Variants in AIG1 observed in about 807,000 individuals in gnomAD.
The protein encoded by AIG1 is androgen induced 1.
In AIG1, 23 loss-of-function variants were observed where a neutral mutation model predicts 31.4. The ratio of observed to expected loss-of-function variants is 0.73; its 90% CI spans 0.53 to 1.04. AIG1 has a LOEUF of 1.04. AIG1 is among the 50% of genes least tolerant of loss of function. AIG1 has a pLI of 0.00. For missense variants in AIG1, 274 were observed against 295.0 expected, an observed-to-expected ratio of 0.93 and a Z score of 0.52; for synonymous variants, 100 against 110.5, an observed-to-expected ratio of 0.90 and a Z score of 0.60.
At chr6:143,221,123 A>G (rs375286692) in intron 3 of AIG1, among the ~76,000 whole-genome samples, 47 of 152,176 alleles carry the variant, frequency 3.1e-4, no homozygotes, top group Non-Finnish European at 1.5e-4. Context: ...TTGTAGTTTC[A>G]TCTTAATTAA....
At chr6:143,212,842 T>C (rs1380622196) in intron 3 of AIG1, among the ~76,000 whole-genome samples, 2 of 152,124 alleles carry the variant, frequency 1.3e-5, no homozygotes, top group Admixed American at 1.3e-4. Context: ...CAGAGTGAAT[T>C]TGAAAGGCAT....
chr6:143,086,472 G>T (rs978943273), intron 1 of AIG1, among the ~76,000 whole-genome samples: 2 of 151,938 alleles, frequency 1.3e-5, no homozygotes, highest in Non-Finnish European at 2.9e-5. Context: ...TGTAGACCCA[G>T]TTCCAGTTGT....
chr6:143,135,996 A>G (rs909328314), intron 1 of AIG1, among the ~76,000 whole-genome samples: 1 of 152,168 alleles, frequency 6.6e-6, no homozygotes, highest in Non-Finnish European at 1.5e-5. Context: ...ATCTAGCTGC[A>G]TTACAGTATG....
intron 3 of AIG1, among the ~76,000 whole-genome samples, chr6:143,236,495 C>G (rs917852268): frequency 2.0e-5 from 3 of 152,252 alleles, no homozygotes; most frequent in African/African-American, 7.2e-5. Context: ...CTGAGTCAAG[C>G]TACTGTGGAT....
intron 3 of AIG1, among the ~76,000 whole-genome samples, chr6:143,244,671 A>G (rs1794483745): frequency 6.6e-6 from 1 of 152,242 alleles, no homozygotes; most frequent in South Asian, 2.1e-4. Context: ...GTGAGCATCA[A>G]GGTATAGTCT....
chr6:143,079,103 A>G (rs1777984195), intron 1 of AIG1, among the ~76,000 whole-genome samples: 1 of 151,482 alleles, frequency 6.6e-6, no homozygotes, highest in Non-Finnish European at 1.5e-5. Flanking sequence ...AGAGAGAGGA[A>G]AAACAAAACA....
Position 143,284,154 on chromosome 6 carries a change from G to T in AIG1, c.444G>T (p.Ser148=). 1.2e-6 allele frequency: 2 copies of T among 1,613,952 alleles called. No homozygotes were observed. Among genetic ancestry groups the T allele is most frequent in the South Asian group, 1.1e-5 (1 of 91,062 alleles). ...TTATATTAATCGAGATGAGGACATC[G>T]CACCATCAGTATCCCAGCAGGAGCA... ...LPFILIEMRT[S]HHQYPSRSSG... Residue 148 remains serine (S), a synonymous_variant, in exon 4 of 6, where the codon TCG becomes TCT. Coordinates refer to ENST00000357847, the MANE Select transcript of AIG1 (RefSeq NM_016108.4). The surrounding 1 kb of genome is among the most constrained non-coding windows in gnomAD (Gnocchi z 4.4).
chr6:143,274,865 A>G (rs1457017361), intron 3 of AIG1, among the ~76,000 whole-genome samples: 3 of 152,212 alleles, frequency 2.0e-5, no homozygotes, highest in African/African-American at 7.2e-5. Flanking sequence ...TAACTACTAC[A>G]TTAGGATTGC....
chr6:143,061,048 C>G lies in AIG1; in HGVS notation c.123C>G (p.Phe41Leu). The G allele has an allele frequency of 6.2e-7, 1 of 1,613,276 alleles. No homozygotes were observed. The highest frequency in any genetic ancestry group is 1.1e-5 in the South Asian group (1 of 91,066). ...AGACCTACGGAGGGAGCTGGAAATT[C>G]CTGACGTTCATTGATCTGGTAAGGC... The part of the protein sequence containing the change: ...SHQTYGGSWK[F>L]LTFIDLVIQA... The change falls in exon 1 of 6, where the codon TTC becomes TTG. Residue 41 changes from phenylalanine to leucine, a missense_variant. Physicochemically the swap from Phe to Leu is conservative, Grantham distance 22. Transcript: ENST00000357847.
At chr6:143,099,166 G>A (rs1444363018) in intron 1 of AIG1, among the ~76,000 whole-genome samples, 1 of 152,088 alleles carries the variant, frequency 6.6e-6, no homozygotes, top group Non-Finnish European at 1.5e-5. Context: ...CACCAAAAAT[G>A]GCCACATTTC....
Position 143,293,872 on chromosome 6 carries a change from G to T in AIG1, c.515+9647G>T, listed in dbSNP as rs1310388620. On this transcript the variant is annotated intron_variant, in intron 4 of 5. Transcript: ENST00000357847. The surrounding 1 kb of genome is among the most constrained non-coding windows in gnomAD (Gnocchi z 4.8). ...GTGTGATGCTGCTTGTGCTCTTGAT[G>T]CTACTTGGCAATTTTCCTGTGGATT... is the stretch of plus-strand genomic sequence containing the variant. Among the ~76,000 whole-genome samples the T allele has an allele frequency of 6.6e-6, 1 of 151,986 alleles. No homozygotes were observed. Among genetic ancestry groups the T allele is most frequent in the East Asian group, 1.9e-4 (1 of 5,170 alleles).
chr6:143,239,886 T>C (rs1300153113), intron 3 of AIG1, among the ~76,000 whole-genome samples: 1 of 152,222 alleles, frequency 6.6e-6, no homozygotes, highest in African/African-American at 2.4e-5. Context: ...TTTACCTGAC[T>C]GGAACTTGTG....
intron 4 of AIG1, among the ~76,000 whole-genome samples, chr6:143,323,398 A>G (rs1776372709): frequency 6.6e-6 from 1 of 152,104 alleles, no homozygotes; most frequent in Admixed American, 6.5e-5. Flanking sequence ...GGCTAGCTCC[A>G]CTGAAAAAAA....
chr6:143,092,138 T>G (rs2128476754), intron 1 of AIG1, among the ~76,000 whole-genome samples: 1 of 152,210 alleles, frequency 6.6e-6, no homozygotes, highest in African/African-American at 2.4e-5. Context: ...AGGATATATC[T>G]CTCTCACCCA....
chr6:143,147,429 C>G (rs1031647689), intron 2 of AIG1, among the ~76,000 whole-genome samples: 2 of 152,088 alleles, frequency 1.3e-5, no homozygotes, highest in African/African-American at 4.8e-5. Context: ...AAGGACATCT[C>G]CCCTCCCCTT....
intron 3 of AIG1, among the ~76,000 whole-genome samples, chr6:143,209,321 C>T (rs991843403): frequency 2.0e-5 from 3 of 152,168 alleles, no homozygotes; most frequent in African/African-American, 7.2e-5. Flanking sequence ...GAGTCCTAAT[C>T]CCCGGAACTT....
intron 1 of AIG1, among the ~76,000 whole-genome samples, chr6:143,089,650 C>G (rs1202692500): frequency 6.6e-6 from 1 of 152,158 alleles, no homozygotes; most frequent in Non-Finnish European, 1.5e-5. Context: ...TGGTGAAAGT[C>G]TCAGGCTACA....
chr6:143,306,332 A>G (rs1799302872), intron 4 of AIG1, among the ~76,000 whole-genome samples: 1 of 152,138 alleles, frequency 6.6e-6, no homozygotes, highest in Admixed American at 6.5e-5. Context: ...GATGGTCTTT[A>G]CAATTTGGCA....
chr6:143,169,911 C>A (rs141050571), intron 3 of AIG1, among the ~76,000 whole-genome samples: 7 of 152,060 alleles, frequency 4.6e-5, no homozygotes, highest in African/African-American at 1.4e-4. Context: ...CAAATTTATT[C>A]ATTTGTGTAT....
Sources: allele counts gnomAD v4.1 joint callset (sites outside exome capture counted in the v4.1 genomes callset), GRCh38; gene constraint gnomAD v4.1.1; non-coding constraint Gnocchi (gnomAD v3.1); transcripts MANE v1.5; gene names NCBI Gene and HGNC (gene_info 2026-07-23, HGNC 2026-07-21).